Variants in OR4A47 observed in about 807,000 individuals in gnomAD.
OR4A47 encodes olfactory receptor family 4 subfamily A member 47.
Under a neutral mutation model 16.2 loss-of-function variants are expected in OR4A47, and 19 were observed. The ratio of observed to expected loss-of-function variants is 1.17; its 90% CI spans 0.82 to 1.72. The LOEUF is 1.72. OR4A47 is among the 40% of genes most tolerant of loss of function. OR4A47 has a pLI of 0.00. For synonymous variants in OR4A47, 180 were observed against 136.0 expected, an observed-to-expected ratio of 1.32 and a Z score of -2.25; for missense variants, 460 against 361.1, an observed-to-expected ratio of 1.27 and a Z score of -2.22.
In OR4A47 at chr11:48,489,412, T is replaced by C. The variant is rs1449224423; in HGVS notation, c.620T>C (p.Ile207Thr). Residue 207 changes from isoleucine (I) to threonine (T), a missense_variant, in exon 1 of 1, where the codon ATT becomes ACT. Coordinates refer to ENST00000446524, the MANE Select transcript of OR4A47 (RefSeq NM_001005512.2). ...GCCAATGGAGGACTGGCTTGCACTA[T>C]TGTGTTTCTGCTCTTACTCATCTCT... ...VVANGGLACT[I>T]VFLLLLISYG... 4.8e-5 allele frequency: 77 copies of C among 1,613,744 alleles called. No homozygotes were observed. The highest frequency in any genetic ancestry group is 6.4e-5 in the Non-Finnish European group (76 of 1,179,854).
chr11:48,489,547 G>T lies in OR4A47; in HGVS notation c.755G>T (p.Cys252Phe). 1.9e-6 allele frequency: 3 copies of T among 1,613,874 alleles called. No individual in the cohort carries two copies. The East Asian group carries it at 6.7e-5, about 36-fold the overall frequency. The change falls in exon 1 of 1, where the codon TGT becomes TTT. Residue 252 changes from cysteine to phenylalanine, a missense_variant. Cys to Phe is a radical substitution (Grantham distance 205). Coordinates refer to ENST00000446524, the MANE Select transcript of OR4A47 (RefSeq NM_001005512.2). ...GTGGTTGTCTTCTTCTTTGTTCCTT[G>T]TATTTTTATGTATGCTAGACCTGCT... is the stretch of plus-strand genomic sequence containing the variant. ...MTVVVFFFVP[C>F]IFMYARPART...
In OR4A47 at chr11:48,489,204, G is replaced by A; in HGVS notation, c.412G>A (p.Val138Met). 3.1e-6 allele frequency: 5 copies of A among 1,613,768 alleles called. No individual in the cohort carries two copies. Among genetic ancestry groups the A allele is most frequent in the South Asian group, 1.1e-5 (1 of 91,018 alleles). Residue 138 changes from valine (V) to methionine (M), a missense_variant, in exon 1 of 1, where the codon GTG becomes ATG. Coordinates refer to ENST00000446524, the MANE Select transcript of OR4A47 (RefSeq NM_001005512.2). ...LHYLVIMRQW[V>M]CVVLLVVSWV... ...TTATTTGGTTATCATGAGACAATGG[G>A]TGTGTGTTGTGCTGCTGGTAGTGTC...
chr11:48,489,624 C>T lies in OR4A47; in HGVS notation c.832C>T (p.Pro278Ser). Residue 278 changes from proline to serine, a missense_variant, in exon 1 of 1, where the codon CCA (proline) becomes TCA (serine). Pro to Ser is a moderately conservative substitution (Grantham distance 74). Transcript: ENST00000446524. ...SVSVFYTVIT[P>S]MLNPLIYTLR... ...GAGTGTGTTTTATACAGTCATAACC[C>T]CAATGCTGAACCCCTTAATCTACAC... 4.4e-6 allele frequency: 7 copies of T among 1,605,218 alleles called. No homozygotes were observed. Among genetic ancestry groups the T allele is most frequent in the Non-Finnish European group, 6.0e-6 (7 of 1,176,186 alleles).
Position 48,489,598 on chromosome 11 carries a change from T to A in OR4A47, c.806T>A (p.Val269Glu). The A allele has an allele frequency of 6.2e-7, 1 of 1,613,646 alleles. No individual in the cohort carries two copies. The highest frequency in any genetic ancestry group is 1.7e-5 in the Admixed American group (1 of 59,998). Residue 269 changes from valine to glutamate, a missense_variant, in exon 1 of 1, where the codon GTG (valine) becomes GAG (glutamate). Val to Glu is a moderately radical substitution (Grantham distance 121). Coordinates refer to ENST00000446524, the MANE Select transcript of OR4A47 (RefSeq NM_001005512.2). Reference sequence around the variant, plus strand: ...AGGACCTTCCCCATTGACAAATCAGTGAGTGTGTTTTATACAGTCATAACC... The same window carrying A: ...AGGACCTTCCCCATTGACAAATCAGAGAGTGTGTTTTATACAGTCATAACC... ...PARTFPIDKS[V>E]SVFYTVITPM...
Position 48,489,692 on chromosome 11 carries a change from G to A in OR4A47, c.900G>A (p.Trp300Ter), listed in dbSNP as rs142376785. The change falls in exon 1 of 1, where the codon TGG becomes TGA. Residue 300 changes from tryptophan (W) to a stop codon, truncating the protein, a stop_gained. Transcript: ENST00000446524. LOFTEE classifies it high-confidence loss of function. ...SEMTSAMKKL[W>*]RRDLISSST is the part of the protein sequence containing the mutation. ...TGACAAGTGCTATGAAGAAGCTCTG[G>A]AGAAGAGACCTCATATCAAGTAGTA... 1 of 1,609,486 alleles carries A rather than the reference G, an allele frequency of 6.2e-7. No homozygotes were observed. Among genetic ancestry groups the A allele is most frequent in the African/African-American group, 1.3e-5 (1 of 75,044 alleles).
chr11:48,489,264 C>A lies in OR4A47; in HGVS notation c.472C>A (p.Leu158Ile), dbSNP rs752508439. 6.2e-7 allele frequency: 1 copy of A among 1,613,844 alleles called. No individual in the cohort carries two copies. The highest frequency in any genetic ancestry group is 1.1e-5 in the South Asian group (1 of 91,066). The change falls in exon 1 of 1, where the codon CTT becomes ATT. Residue 158 changes from leucine (L) to isoleucine (I), a missense_variant. Coordinates refer to ENST00000446524, the MANE Select transcript of OR4A47 (RefSeq NM_001005512.2). The stretch of plus-strand genomic sequence containing the variant: ...AGGATTTCTGCACTCAGTATTTCAA[C>A]TTAGCATTATTTATGGGCTCCCATT... ...VGGFLHSVFQ[L>I]SIIYGLPFCG...
Position 48,489,344 on chromosome 11 carries a change from A to T in OR4A47, c.552A>T (p.Lys184Asn), listed in dbSNP as rs1231987165. 6.2e-7 allele frequency: 1 copy of T among 1,613,456 alleles called. No homozygotes were observed. The highest frequency in any genetic ancestry group is 2.2e-5 in the East Asian group (1 of 44,872). ...TCTGTGACATGTATCCCTTATTGAA[A>T]CTGGTCTGCACTGACACCCATGCTA... ...HFFCDMYPLL[K>N]LVCTDTHAIG... is the part of the protein sequence containing the mutation. Residue 184 changes from lysine to asparagine, a missense_variant, in exon 1 of 1, where the codon AAA becomes AAT. Coordinates refer to ENST00000446524, the MANE Select transcript of OR4A47 (RefSeq NM_001005512.2).
In OR4A47 at chr11:48,489,698, A is replaced by G. The variant is rs753742126; in HGVS notation, c.906A>G (p.Arg302=). The G allele has an allele frequency of 1.2e-6, 2 of 1,608,178 alleles. No homozygotes were observed. Among genetic ancestry groups the G allele is most frequent in the East Asian group, 2.2e-5 (1 of 44,882 alleles). Residue 302 remains arginine (R), a synonymous_variant, in exon 1 of 1, where the codon AGA becomes AGG. Coordinates refer to ENST00000446524, the MANE Select transcript of OR4A47 (RefSeq NM_001005512.2). ...GTGCTATGAAGAAGCTCTGGAGAAG[A>G]GACCTCATATCAAGTAGTACATAAG... ...MTSAMKKLWR[R]DLISSST
Position 48,489,687 on chromosome 11 carries a change from C to A in OR4A47, c.895C>A (p.Leu299Ile). Reference sequence around the variant, plus strand: ...TGAGATGACAAGTGCTATGAAGAAGCTCTGGAGAAGAGACCTCATATCAAG... The same window carrying A: ...TGAGATGACAAGTGCTATGAAGAAGATCTGGAGAAGAGACCTCATATCAAG... The part of the protein sequence containing the change: ...NSEMTSAMKK[L>I]WRRDLISSST Residue 299 changes from leucine to isoleucine, a missense_variant, in exon 1 of 1, where the codon CTC (leucine) becomes ATC (isoleucine). Leu to Ile is a conservative substitution (Grantham distance 5, BLOSUM62 2). Coordinates refer to ENST00000446524, the MANE Select transcript of OR4A47 (RefSeq NM_001005512.2). 2 of 1,610,206 alleles carry A rather than the reference C, an allele frequency of 1.2e-6. No individual in the cohort carries two copies. Among genetic ancestry groups the A allele is most frequent in the African/African-American group, 1.3e-5 (1 of 75,048 alleles).
Position 48,489,246 on chromosome 11 carries a change from C to A in OR4A47, c.454C>A (p.Leu152Met). Residue 152 changes from leucine (L) to methionine (M), a missense_variant, in exon 1 of 1, where the codon CTG becomes ATG. Leu to Met is a conservative substitution (Grantham distance 15, BLOSUM62 2). Coordinates refer to ENST00000446524, the MANE Select transcript of OR4A47 (RefSeq NM_001005512.2). ...GGTAGTGTCCTGGGTTGGAGGATTTCTGCACTCAGTATTTCAACTTAGCAT... is the reference window on the plus strand; with the variant it reads ...GGTAGTGTCCTGGGTTGGAGGATTTATGCACTCAGTATTTCAACTTAGCAT... The part of the protein sequence containing the change: ...LLVVSWVGGF[L>M]HSVFQLSIIY... 6.2e-7 allele frequency: 1 copy of A among 1,613,756 alleles called. No individual in the cohort carries two copies. The highest frequency in any genetic ancestry group is 8.5e-7 in the Non-Finnish European group (1 of 1,179,782).
At position 48,489,595 on chromosome 11, in the gene OR4A47, C is replaced by T; in HGVS notation, c.803C>T (p.Ser268Leu). 2.5e-6 allele frequency: 4 copies of T among 1,613,722 alleles called. No homozygotes were observed. The highest frequency in any genetic ancestry group is 3.4e-6 in the Non-Finnish European group (4 of 1,179,788). ...GCTAGGACCTTCCCCATTGACAAAT[C>T]AGTGAGTGTGTTTTATACAGTCATA... is the stretch of plus-strand genomic sequence containing the variant. ...RPARTFPIDK[S>L]VSVFYTVITP... The change falls in exon 1 of 1, where the codon TCA becomes TTA. Residue 268 changes from serine to leucine, a missense_variant. By Grantham distance (145) the Ser-to-Leu change is moderately radical. Coordinates refer to ENST00000446524, the MANE Select transcript of OR4A47 (RefSeq NM_001005512.2).
At position 48,488,951 on chromosome 11, in the gene OR4A47, G is replaced by C; in HGVS notation, c.159G>C (p.Leu53=). 1.2e-6 allele frequency: 2 copies of C among 1,613,726 alleles called. No individual in the cohort carries two copies. The highest frequency in any genetic ancestry group is 1.7e-6 in the Non-Finnish European group (2 of 1,179,802). Residue 53 remains leucine (L), a synonymous_variant, in exon 1 of 1, where the codon CTG becomes CTC. Transcript: ENST00000446524. ...TGACCGTAACTGTCAGTGAGACCCT[G>C]GGCTCACCAATGTACTTCTTTCTTG... ...IVVTVTVSET[L]GSPMYFFLAG...
chr11:48,488,879 C>G lies in OR4A47; in HGVS notation c.87C>G (p.Phe29Leu). ...PKEQKVLFVM[F>L]LLFYILTMVG... is the part of the protein sequence containing the mutation. ...AGCAGAAAGTACTTTTTGTTATGTT[C>G]TTGCTCTTCTACATTTTGACCATGG... The change falls in exon 1 of 1, where the codon TTC (phenylalanine) becomes TTG (leucine). Residue 29 changes from phenylalanine to leucine, a missense_variant. By Grantham distance (22) the Phe-to-Leu change is conservative (BLOSUM62 0). Coordinates refer to ENST00000446524, the MANE Select transcript of OR4A47 (RefSeq NM_001005512.2). 6.2e-7 allele frequency: 1 copy of G among 1,612,132 alleles called. No individual in the cohort carries two copies. Among genetic ancestry groups the G allele is most frequent in the South Asian group, 1.1e-5 (1 of 91,000 alleles).
Position 48,489,515 on chromosome 11 carries a change from CAT to C in OR4A47, c.724_725del (p.Met242AspfsTer16). 6.2e-7 allele frequency: 1 copy of C among 1,613,922 alleles called. No individual in the cohort carries two copies. ...AAGCCCTCTCAACCTGCAGTTCCCA[CAT>C]GACTGTGGTTGTCTTCTTCTTTGTT... ...QKALSTCSSH[M>X]TVVVFFFVPC... On this transcript the variant is annotated frameshift_variant, in exon 1 of 1. Transcript: ENST00000446524. LOFTEE classifies it high-confidence loss of function.
rs147543774 is a variant in OR4A47, at chr11:48,489,583, C to T, written c.791C>T (p.Pro264Leu). Residue 264 changes from proline (P) to leucine (L), a missense_variant, in exon 1 of 1, where the codon CCC (proline) becomes CTC (leucine). Transcript: ENST00000446524. ...FMYARPARTF[P>L]IDKSVSVFYT... ...TATGCTAGACCTGCTAGGACCTTCC[C>T]CATTGACAAATCAGTGAGTGTGTTT... 8 of 1,613,656 alleles carry T rather than the reference C, an allele frequency of 5.0e-6. No homozygotes were observed. In the African/African-American group the frequency reaches 8.0e-5, roughly 16 times the overall value.
At position 48,489,386 on chromosome 11, in the gene OR4A47, G is replaced by C. The variant is rs766478732; in HGVS notation, c.594G>C (p.Val198=). ...CCCATGCTATTGGCCTCTTAGTGGT[G>C]GCCAATGGAGGACTGGCTTGCACTA... ...TDTHAIGLLV[V]ANGGLACTIV... is the part of the protein sequence containing the mutation. The change falls in exon 1 of 1, where the codon GTG becomes GTC. Residue 198 remains valine, a synonymous_variant. Transcript: ENST00000446524. 6.8e-6 allele frequency: 11 copies of C among 1,613,644 alleles called. No homozygotes were observed. Among genetic ancestry groups the C allele is most frequent in the South Asian group, 2.2e-5 (2 of 91,042 alleles).
rs374357952 is a variant in OR4A47 at position 48,488,872 on chromosome 11, T to A, written c.80T>A (p.Val27Asp). 1 of 1,612,512 alleles carries A rather than the reference T, an allele frequency of 6.2e-7. No homozygotes were observed. Among genetic ancestry groups the A allele is most frequent in the Non-Finnish European group, 8.5e-7 (1 of 1,178,950 alleles). The change falls in exon 1 of 1, where the codon GTT becomes GAT. Residue 27 changes from valine to aspartate, a missense_variant. Physicochemically the swap from Val to Asp is radical, Grantham distance 152. Transcript: ENST00000446524. ...QNPKEQKVLF[V>D]MFLLFYILTM... ...CCAAAGGAGCAGAAAGTACTTTTTG[T>A]TATGTTCTTGCTCTTCTACATTTTG... is the stretch of plus-strand genomic sequence containing the variant.
rs549702534 is a variant in OR4A47, at chr11:48,489,400, T to G, written c.608T>G (p.Leu203Arg). Residue 203 changes from leucine (L) to arginine (R), a missense_variant, in exon 1 of 1, where the codon CTG becomes CGG. Leu to Arg is a moderately radical substitution (Grantham distance 102, BLOSUM62 -2). Coordinates refer to ENST00000446524, the MANE Select transcript of OR4A47 (RefSeq NM_001005512.2). The stretch of plus-strand genomic sequence containing the variant: ...CTCTTAGTGGTGGCCAATGGAGGAC[T>G]GGCTTGCACTATTGTGTTTCTGCTC... ...IGLLVVANGG[L>R]ACTIVFLLLL... 5.0e-6 allele frequency: 8 copies of G among 1,613,892 alleles called. No individual in the cohort carries two copies. In the East Asian group the frequency reaches 1.8e-4, roughly 36 times the overall value.
At position 48,488,967 on chromosome 11, in the gene OR4A47, T is replaced by G. The variant is rs747289700; in HGVS notation, c.175T>G (p.Phe59Val). Reference sequence around the variant, plus strand: ...TGAGACCCTGGGCTCACCAATGTACTTCTTTCTTGCTGGCTTATCATTTAT... The same window carrying G: ...TGAGACCCTGGGCTCACCAATGTACGTCTTTCTTGCTGGCTTATCATTTAT... ...VSETLGSPMY[F>V]FLAGLSFIDI... The change falls in exon 1 of 1, where the codon TTC (phenylalanine) becomes GTC (valine). Residue 59 changes from phenylalanine to valine, a missense_variant. Coordinates refer to ENST00000446524, the MANE Select transcript of OR4A47 (RefSeq NM_001005512.2). The G allele has an allele frequency of 6.2e-7, 1 of 1,613,792 alleles. No homozygotes were observed.
Sources: gnomAD v4.1 joint callset for allele counts on GRCh38, gnomAD v4.1.1 for gene constraint, MANE v1.5 for transcripts, NCBI Gene and HGNC (gene_info 2026-07-23, HGNC 2026-07-21) for gene names.